NEK7: variants seen among roughly 807,000 people sequenced by gnomAD.
The protein encoded by NEK7 is serine/threonine-protein kinase Nek7.
A neutral mutation model predicts 44.6 loss-of-function variants in NEK7; 18 were observed. The observed-to-expected ratio is 0.40, with a 90% confidence interval of 0.28 to 0.60. The LOEUF is 0.60. Among genes scored for constraint, NEK7 ranks in the 20% least tolerant of loss-of-function variants. The probability of loss-of-function intolerance (pLI) is 0.38; values close to 1 mark genes in which losing one functional copy is unlikely to be tolerated. For missense variants in NEK7, 256 were observed against 366.5 expected, an observed-to-expected ratio of 0.70 and a Z score of 2.46; for synonymous variants, 130 against 121.1, an observed-to-expected ratio of 1.07 and a Z score of -0.48.
At chr1:198,233,438 C>A (rs1186807082) in intron 2 of NEK7, among the ~76,000 whole-genome samples, 2 of 152,120 alleles carry the variant, frequency 1.3e-5, no homozygotes, top group Non-Finnish European at 2.9e-5. Context: ...ATTTTTATTG[C>A]TGTTGTTCCT....
At chr1:198,186,604 A>G (rs1208666338) in intron 1 of NEK7, among the ~76,000 whole-genome samples, 2 of 152,200 alleles carry the variant, frequency 1.3e-5, no homozygotes, top group Non-Finnish European at 2.9e-5. Context: ...GGGCCCCATG[A>G]CAGACAGTCT....
chr1:198,260,230 A>G (rs541965638), intron 3 of NEK7, among the ~76,000 whole-genome samples: 1 of 152,142 alleles, frequency 6.6e-6, no homozygotes, highest in African/African-American at 2.4e-5. Context: ...CCTTCCATAA[A>G]TAGTGTCATA....
rs1055707301 is a variant in NEK7 at position 198,223,136 on chromosome 1, G to T, written c.-28-9417G>T. Among the ~76,000 whole-genome samples the T allele has an allele frequency of 2.2e-4, 23 of 106,032 alleles. 1 individual carries two copies. Among genetic ancestry groups the T allele is most frequent in the African/African-American group, 1.3e-3 (23 of 17,788 alleles). 69.6% of individuals were successfully genotyped at this position (106,032 alleles called of 152,430 possible). A position where few individuals can be genotyped will look rare whatever the true frequency, so the allele number is the denominator to read the frequency against. On this transcript the variant is annotated intron_variant, in intron 1 of 9. Coordinates refer to ENST00000367385, the MANE Select transcript of NEK7 (RefSeq NM_133494.3). ...ACAGAATTCTACTGTGTTTCAGAAA[G>T]GAGTTTGAATTTTTATTCTAAGAAC...
At chr1:198,173,792 T>C (rs1402370244) in intron 1 of NEK7, among the ~76,000 whole-genome samples, 1 of 152,174 alleles carries the variant, frequency 6.6e-6, no homozygotes, top group Admixed American at 6.5e-5. Flanking sequence ...TAAAAAACTT[T>C]ATAATTAAAG....
chr1:198,313,507 G>A (rs375280664), intron 9 of NEK7, among the ~76,000 whole-genome samples: 6 of 132,866 alleles, frequency 4.5e-5, no homozygotes, highest in Admixed American at 2.3e-4. Flanking sequence ...TATTTTGCTC[G>A]TTAGTTGATG....
At chr1:198,259,434 A>G (rs1270765235) in intron 3 of NEK7, among the ~76,000 whole-genome samples, 1 of 152,138 alleles carries the variant, frequency 6.6e-6, no homozygotes, top group Non-Finnish European at 1.5e-5. Flanking sequence ...TGCCTCCTAA[A>G]ACAAACAAAC....
intron 2 of NEK7, among the ~76,000 whole-genome samples, chr1:198,232,851 C>T (rs1666440182): frequency 6.7e-6 from 1 of 148,206 alleles, no homozygotes; most frequent in African/African-American, 2.5e-5. Context: ...GTAATTAGTA[C>T]ACTTTTTAGA....
intron 1 of NEK7, among the ~76,000 whole-genome samples, chr1:198,204,564 A>G (rs1665533140): frequency 6.6e-6 from 1 of 151,822 alleles, no homozygotes; most frequent in Non-Finnish European, 1.5e-5. Flanking sequence ...CTAAAAATAC[A>G]AAAAATTAGC....
At chr1:198,269,374 G>A (rs1484595111) in intron 5 of NEK7, among the ~76,000 whole-genome samples, 1 of 151,994 alleles carries the variant, frequency 6.6e-6, no homozygotes, top group African/African-American at 2.4e-5. Context: ...ACGGGAGTGG[G>A]GTTGGGTAGT....
chr1:198,301,273 G>A (rs888389431), intron 9 of NEK7, among the ~76,000 whole-genome samples: 8 of 152,206 alleles, frequency 5.3e-5, no homozygotes, highest in South Asian at 2.1e-4. Flanking sequence ...TTTATGGGCC[G>A]GGCGCTGTGG....
chr1:198,174,450 G>C (rs930959997), intron 1 of NEK7, among the ~76,000 whole-genome samples: 2 of 152,190 alleles, frequency 1.3e-5, no homozygotes, highest in East Asian at 3.9e-4. Context: ...GGGGAGGAAG[G>C]CAGTGAGTTT....
At chr1:198,238,461 A>G (rs1398613538) in intron 2 of NEK7, among the ~76,000 whole-genome samples, 2 of 147,738 alleles carry the variant, frequency 1.4e-5, no homozygotes, top group African/African-American at 4.9e-5. Context: ...CTCTCACATG[A>G]ATTGAAAATT....
chr1:198,302,180 C>G (rs1654908065), intron 9 of NEK7, among the ~76,000 whole-genome samples: 1 of 152,090 alleles, frequency 6.6e-6, no homozygotes, highest in Admixed American at 6.6e-5. Flanking sequence ...AAGTAATGAG[C>G]CCACTCAAAA....
At chr1:198,286,422 CTT>C (rs34104462) in intron 7 of NEK7, among the ~76,000 whole-genome samples, 30 of 142,832 alleles carry the variant, frequency 2.1e-4, no homozygotes, top group African/African-American at 3.1e-4. Context: ...AGAGGTCACA[CTT>C]TTTTTTTTTT....
intron 1 of NEK7, among the ~76,000 whole-genome samples, chr1:198,187,204 A>G (rs1472709835): frequency 1.3e-5 from 2 of 152,204 alleles, no homozygotes; most frequent in Admixed American, 1.3e-4. Context: ...GATGAGGCAC[A>G]TGTTGTCTTC....
chr1:198,281,315 A>T (rs1654190802), intron 7 of NEK7, among the ~76,000 whole-genome samples: 2 of 152,082 alleles, frequency 1.3e-5, no homozygotes, highest in South Asian at 4.1e-4. Context: ...GGCACTGAAA[A>T]GTAATTGAAA....
At chr1:198,170,074 A>G (rs1571498188) in intron 1 of NEK7, among the ~76,000 whole-genome samples, 1 of 143,622 alleles carries the variant, frequency 7.0e-6, no homozygotes, top group Admixed American at 6.8e-5. Context: ...TGCAAGGCCC[A>G]CAGAACATGG....
At chr1:198,229,963 C>T (rs1666338413) in intron 1 of NEK7, among the ~76,000 whole-genome samples, 1 of 152,096 alleles carries the variant, frequency 6.6e-6, no homozygotes. Flanking sequence ...CAGAATTTCT[C>T]AAAATGTCTT....
intron 3 of NEK7, among the ~76,000 whole-genome samples, chr1:198,255,743 G>A (rs1462706733): frequency 6.6e-6 from 1 of 152,102 alleles, no homozygotes; most frequent in Non-Finnish European, 1.5e-5. Flanking sequence ...TGTGGATATT[G>A]TGACATCTAG....
Sources: gnomAD v4.1 joint callset for allele counts (sites outside exome capture counted in the v4.1 genomes callset) on GRCh38, gnomAD v4.1.1 for gene constraint, MANE v1.5 for transcripts, NCBI Gene and HGNC (gene_info 2026-07-23, HGNC 2026-07-21) for gene names.